The following EIF4H variants were observed in gnomAD, a reference collection of about 807,000 sequenced individuals.
EIF4H encodes the protein Williams-Beuren syndrome chromosome region 1.
Under a neutral mutation model 30.6 loss-of-function variants are expected in EIF4H, and 8 were observed. The ratio of observed to expected loss-of-function variants is 0.26; its 90% CI spans 0.15 to 0.47. The LOEUF is 0.47. Among genes scored for constraint, EIF4H ranks in the 20% least tolerant of loss-of-function variants. The pLI is 0.99. For synonymous variants in EIF4H, 106 were observed against 122.7 expected, an observed-to-expected ratio of 0.86 and a Z score of 0.90; for missense variants, 188 against 339.5, an observed-to-expected ratio of 0.55 and a Z score of 3.51.
intron 6 of EIF4H, 42 bp downstream of exon 6, chr7:74,194,920 G>C: frequency 6.4e-7 from 1 of 1,560,866 alleles, no homozygotes; most frequent in Non-Finnish European, 8.7e-7. Context: ...TGTCCTGATG[G>C]GATGATCATG....
intron 5 of EIF4H, 64 bp downstream of exon 5, chr7:74,190,370 C>A: frequency 6.6e-7 from 1 of 1,524,218 alleles, no homozygotes; most frequent in African/African-American, 1.4e-5. Context: ...TTCTCTGTTT[C>A]TTACGAGTAG....
intron 1 of EIF4H, among the ~76,000 whole-genome samples, chr7:74,180,322 T>C (rs1554708230): frequency 6.6e-6 from 1 of 152,242 alleles, no homozygotes; most frequent in Non-Finnish European, 1.5e-5. Context: ...CTAGTTCAGC[T>C]TGTAGCTCAA....
At chr7:74,194,202 C>T (rs782243421) in intron 5 of EIF4H, among the ~76,000 whole-genome samples, 1 of 152,216 alleles carries the variant, frequency 6.6e-6, no homozygotes, top group Non-Finnish European at 1.5e-5. Context: ...GCTTTGTTTA[C>T]CACACAGGTG....
chr7:74,180,881 G>A (rs1438347741), intron 1 of EIF4H, among the ~76,000 whole-genome samples: 4 of 152,186 alleles, frequency 2.6e-5, no homozygotes, highest in Non-Finnish European at 5.9e-5. Flanking sequence ...CTGCACAAAT[G>A]TAAAGAACTG....
chr7:74,180,845 G>T (rs1800943146), intron 1 of EIF4H, among the ~76,000 whole-genome samples: 1 of 152,216 alleles, frequency 6.6e-6, no homozygotes, highest in Non-Finnish European at 1.5e-5. Flanking sequence ...AGGACCAAAG[G>T]ATTACATCTT....
intron 1 of EIF4H, among the ~76,000 whole-genome samples, chr7:74,177,516 C>A (rs920325577): frequency 6.6e-6 from 1 of 151,976 alleles, no homozygotes; most frequent in Admixed American, 6.6e-5. Flanking sequence ...CCCTCCTTCC[C>A]CCAGGTCCCT....
chr7:74,184,230 C>T (rs1554708869), intron 1 of EIF4H, among the ~76,000 whole-genome samples: 2 of 152,100 alleles, frequency 1.3e-5, no homozygotes, highest in Non-Finnish European at 1.5e-5. Flanking sequence ...TTAGCAGTGC[C>T]CCGTCATCTT....
intron 1 of EIF4H, among the ~76,000 whole-genome samples, chr7:74,186,227 C>CTT (rs5884935): frequency 1.4e-5 from 2 of 143,144 alleles, no homozygotes; most frequent in Admixed American, 7.0e-5. Context: ...ATTCTGATGT[C>CTT]TTTTTTTTTT....
At chr7:74,186,848 A>G (rs1801094961) in intron 1 of EIF4H, among the ~76,000 whole-genome samples, 1 of 100,662 alleles carries the variant, frequency 9.9e-6, no homozygotes. Flanking sequence ...TTTGAGACGG[A>G]GTCTCTGTCG....
chr7:74,189,799 C>A, intron 3 of EIF4H, 23 bp from the exon 4 acceptor site: 1 of 1,614,076 alleles, frequency 6.2e-7, no homozygotes, highest in East Asian at 2.2e-5. Context: ...CCAATACTTA[C>A]ACTATTTTCC....
At chr7:74,190,038 T>C in intron 4 of EIF4H, 120 bp downstream of exon 4, 1 of 1,269,482 alleles carries the variant, frequency 7.9e-7, no homozygotes, top group East Asian at 2.5e-5. Context: ...TCTCGTGAGC[T>C]CTTAAAAGTT....
At chr7:74,183,107 T>G (rs562241732) in intron 1 of EIF4H, among the ~76,000 whole-genome samples, 16 of 152,352 alleles carry the variant, frequency 1.1e-4, no homozygotes, top group African/African-American at 3.8e-4. Context: ...GATACGTGGT[T>G]GATTTGAGTA....
intron 5 of EIF4H, among the ~76,000 whole-genome samples, chr7:74,192,226 AC>A (rs1355119575): frequency 6.6e-6 from 1 of 152,232 alleles, no homozygotes; most frequent in Non-Finnish European, 1.5e-5. Flanking sequence ...GTGGAAAGGT[AC>A]ACTTCACAGT....
intron 5 of EIF4H, among the ~76,000 whole-genome samples, chr7:74,193,556 C>T (rs1253674130): frequency 2.6e-5 from 4 of 151,908 alleles, no homozygotes; most frequent in South Asian, 4.1e-4. Context: ...CCCCTGAGTG[C>T]GCAACCAACA....
intron 1 of EIF4H, among the ~76,000 whole-genome samples, chr7:74,177,549 GTC>G (rs1235555285): frequency 6.6e-6 from 1 of 152,000 alleles, no homozygotes; most frequent in African/African-American, 2.4e-5. Context: ...TCTACTTCCT[GTC>G]TCTGAGCATA....
At chr7:74,191,397 T>C (rs1017072670) in intron 5 of EIF4H, 2 of 432,608 alleles carry the variant, frequency 4.6e-6, no homozygotes, top group South Asian at 3.5e-5. Context: ...AACGTCTTTC[T>C]ACCCTTGGCT....
chr7:74,191,816 G>A (rs1801223102), intron 5 of EIF4H, among the ~76,000 whole-genome samples: 1 of 152,106 alleles, frequency 6.6e-6, no homozygotes, highest in Non-Finnish European at 1.5e-5. Flanking sequence ...GTCTTGCTCT[G>A]TTGCCCAGGC....
At chr7:74,195,107 G>C in intron 6 of EIF4H, 62 bp from the exon 7 acceptor site, 1 of 1,589,856 alleles carries the variant, frequency 6.3e-7, no homozygotes, top group East Asian at 2.3e-5. Context: ...CATCAGCATG[G>C]TCGTTTTGCT....
At position 74,195,222 on chromosome 7, in the gene EIF4H, C is replaced by T; in HGVS notation, c.661C>T (p.Pro221Ser). ...GCTTAAACCTCGAACAGTCGCGACG[C>T]CCCTCAATCAAGTAGCCAATCCCAA... ...LQLKPRTVAT[P>S]LNQVANPNSA... Residue 221 changes from proline (P) to serine (S), a missense_variant, in exon 7 of 7, where the codon CCC (proline) becomes TCC (serine). This residue lies in a region of EIF4H where 17 missense variants were observed against 66.4 expected (regional missense o/e 0.26). Transcript: ENST00000265753. 6.2e-7 allele frequency: 1 copy of T among 1,614,016 alleles called. No homozygotes were observed. The highest frequency in any genetic ancestry group is 8.5e-7 in the Non-Finnish European group (1 of 1,179,876).
Sources: allele counts gnomAD v4.1 joint callset (sites outside exome capture counted in the v4.1 genomes callset), GRCh38; gene constraint gnomAD v4.1.1; regional missense constraint gnomAD v4.1.1; transcripts MANE v1.5; gene names NCBI Gene and HGNC (gene_info 2026-07-23, HGNC 2026-07-21).